Variants in IRF2 observed in about 807,000 individuals in gnomAD.
IRF2 encodes interferon regulatory factor 2.
Under a neutral mutation model 40.6 loss-of-function variants are expected in IRF2, and 15 were observed. The ratio of observed to expected loss-of-function variants is 0.37; its 90% confidence interval spans 0.25 to 0.57. The LOEUF (loss-of-function observed/expected upper bound fraction) is 0.57, where lower values mean the gene tolerates loss of function less well. Ranked by LOEUF, IRF2 falls within the 20% of genes least tolerant of loss-of-function variation. The pLI is 0.77. For synonymous variants in IRF2, 151 were observed against 165.5 expected (o/e 0.91, Z 0.67); for missense variants, 317 against 455.7 (o/e 0.70, Z 2.77).
rs374176980 is a variant in IRF2 at position 184,419,449 on chromosome 4, G to A, written c.187+20C>T. On this transcript the variant is annotated intron_variant, in intron 3 of 8. Coordinates refer to ENST00000393593, the MANE Select transcript of IRF2 (RefSeq NM_002199.4). ...AGCAAGAGTGCCTTCCTCTATAAAC[G>A]CCGCAGGGAGTTTTAGTACCTGTAT... The A allele has an allele frequency of 2.8e-5, 41 of 1,484,136 alleles. No homozygotes were observed. Among genetic ancestry groups the A allele is most frequent in the Non-Finnish European group, 3.6e-5 (38 of 1,066,754 alleles). 91.9% of individuals were successfully genotyped at this position (1,484,136 alleles called of 1,614,324 possible).
intron 1 of IRF2, among the ~76,000 whole-genome samples, chr4:184,429,833 C>T (rs984483885): frequency 6.6e-6 from 1 of 152,176 alleles, no homozygotes; most frequent in East Asian, 1.9e-4. Context: ...CACAATGCCT[C>T]CCTGCTGCTT....
rs765992185 is a variant in IRF2 at position 184,408,114 on chromosome 4, G to A, written c.529+44C>T. ...TGTTTTACAAATTTTAGGCCCCAGG[G>A]GGCTGCTGGTATGTATAAAAAATGA... is the stretch of plus-strand genomic sequence containing the variant. On this transcript the variant is annotated intron_variant, in intron 6 of 8. Coordinates refer to ENST00000393593, the MANE Select transcript of IRF2 (RefSeq NM_002199.4). The surrounding 1 kb of genome is among the most constrained non-coding windows in gnomAD (Gnocchi z 4.9). The A allele has an allele frequency of 4.3e-6, 5 of 1,169,018 alleles. No homozygotes were observed. Among genetic ancestry groups the A allele is most frequent in the South Asian group, 1.3e-5 (1 of 79,582 alleles). The allele number at this position is 1,169,018 out of a possible 1,614,324, so 72.4% of individuals were successfully genotyped here.
intron 1 of IRF2, among the ~76,000 whole-genome samples, chr4:184,438,423 C>A (rs2797504): frequency 0.044 from 6,754 of 152,226 alleles, 500 homozygotes; most frequent in African/African-American, 0.15. Flanking sequence ...AGGGAGCACC[C>A]CGAACAAAGT....
chr4:184,454,099 GTTGAT>G (rs1345538090), intron 1 of IRF2, among the ~76,000 whole-genome samples: 1 of 152,148 alleles, frequency 6.6e-6, no homozygotes, highest in Non-Finnish European at 1.5e-5. Flanking sequence ...GTTCTGAAAG[GTTGAT>G]TTGAAGGGCA....
intron 7 of IRF2, among the ~76,000 whole-genome samples, chr4:184,391,911 G>A (rs1736275243): frequency 1.3e-5 from 2 of 152,208 alleles, no homozygotes; most frequent in South Asian, 2.1e-4. Flanking sequence ...ATTACATGGA[G>A]AGTGAGTGAG....
chr4:184,473,029 GC>G (rs1028101879), intron 1 of IRF2, among the ~76,000 whole-genome samples: 1 of 152,258 alleles, frequency 6.6e-6, no homozygotes, highest in East Asian at 1.9e-4. Context: ...GGCTTCCCCA[GC>G]CCCGGCGGAC....
intron 1 of IRF2, among the ~76,000 whole-genome samples, chr4:184,467,029 G>GCT (rs1739352432): frequency 2.6e-5 from 4 of 152,144 alleles, no homozygotes; most frequent in Non-Finnish European, 4.4e-5. Context: ...TGTACCCTAA[G>GCT]GTGACTTCAG....
chr4:184,442,590 C>T (rs527925491), intron 1 of IRF2, among the ~76,000 whole-genome samples: 17 of 152,252 alleles, frequency 1.1e-4, no homozygotes, highest in African/African-American at 3.1e-4. Flanking sequence ...GTTAATTTCA[C>T]ATTAACATTT....
At chr4:184,439,579 C>A (rs923128307) in intron 1 of IRF2, among the ~76,000 whole-genome samples, 4 of 151,980 alleles carry the variant, frequency 2.6e-5, no homozygotes, top group Non-Finnish European at 4.4e-5. Context: ...GGAATAGAAA[C>A]GTATATGAAA....
At chr4:184,425,605 G>A (rs1428127158) in intron 2 of IRF2, among the ~76,000 whole-genome samples, 1 of 152,248 alleles carries the variant, frequency 6.6e-6, no homozygotes, top group African/African-American at 2.4e-5. Flanking sequence ...CTGTAGCGGA[G>A]GAGCCCTGTG....
chr4:184,420,620 T>C (rs1010755516), intron 2 of IRF2, among the ~76,000 whole-genome samples: 1 of 152,138 alleles, frequency 6.6e-6, no homozygotes, highest in South Asian at 2.1e-4. Flanking sequence ...TGGAAACCCA[T>C]GGTTTAGTAA....
At position 184,409,749 on chromosome 4, in the gene IRF2, C is replaced by T. The variant is rs574250891; in HGVS notation, c.412-1474G>A. Among the ~76,000 whole-genome samples, 81 of 152,096 alleles carry T rather than the reference C, an allele frequency of 5.3e-4. 1 individual carries two copies. The highest frequency in any genetic ancestry group is 1.8e-3 in the African/African-American group (76 of 41,470). On this transcript the variant is annotated intron_variant, in intron 5 of 8. Transcript: ENST00000393593. The stretch of plus-strand genomic sequence containing the variant: ...TCTCTACAAAAAATGAAAGCATTAG[C>T]CGGGTGTGGTGGTGCACGCCTCTTG...
At chr4:184,455,301 C>CTTTTTTTT (rs1238177005) in intron 1 of IRF2, among the ~76,000 whole-genome samples, 14 of 31,926 alleles carry the variant, frequency 4.4e-4, no homozygotes, top group Admixed American at 5.9e-4. Context: ...CCTTCTTCTT[C>CTTTTTTTT]TTTTTTTTTT....
intron 1 of IRF2, among the ~76,000 whole-genome samples, chr4:184,433,535 A>C (rs1207825883): frequency 6.6e-6 from 1 of 152,224 alleles, no homozygotes; most frequent in African/African-American, 2.4e-5. Flanking sequence ...CACAATCTTC[A>C]ATCAGGACTG....
intron 1 of IRF2, among the ~76,000 whole-genome samples, chr4:184,444,678 A>G (rs1048752755): frequency 6.6e-6 from 1 of 152,274 alleles, no homozygotes; most frequent in Non-Finnish European, 1.5e-5. Flanking sequence ...TTGGGACTAC[A>G]GCAGATTCCC....
intron 1 of IRF2, among the ~76,000 whole-genome samples, chr4:184,441,644 C>G (rs1398216135): frequency 6.6e-6 from 1 of 152,168 alleles, no homozygotes; most frequent in African/African-American, 2.4e-5. Context: ...ACCAGCTGGC[C>G]AGCAGGGAGT....
At chr4:184,390,326 AT>A (rs1158059666) in intron 8 of IRF2, among the ~76,000 whole-genome samples, 3 of 152,194 alleles carry the variant, frequency 2.0e-5, no homozygotes, top group African/African-American at 7.2e-5. Flanking sequence ...TTTGCTTAGC[AT>A]TTTGTGACGT....
intron 1 of IRF2, among the ~76,000 whole-genome samples, chr4:184,435,794 T>C (rs938957731): frequency 1.9e-4 from 29 of 152,090 alleles, no homozygotes; most frequent in Non-Finnish European, 3.5e-4. Context: ...TTGTAAGTAA[T>C]ACAACTAAGT....
At chr4:184,420,904 G>A (rs946490845) in intron 2 of IRF2, among the ~76,000 whole-genome samples, 4 of 152,206 alleles carry the variant, frequency 2.6e-5, no homozygotes, top group African/African-American at 9.6e-5. Context: ...CAGGTCATGC[G>A]ACTCCATATG....
Sources: allele counts gnomAD v4.1 joint callset (sites outside exome capture counted in the v4.1 genomes callset), GRCh38; gene constraint gnomAD v4.1.1; non-coding constraint Gnocchi (gnomAD v3.1); transcripts MANE v1.5; gene names NCBI Gene and HGNC (gene_info 2026-07-23, HGNC 2026-07-21).